PRKN: variants seen among roughly 807,000 people sequenced by gnomAD.
The protein encoded by PRKN is parkin RBR E3 ubiquitin protein ligase, also known as E3 ubiquitin-protein ligase parkin.
A neutral mutation model predicts 59.5 loss-of-function variants in PRKN; 56 were observed. The observed-to-expected ratio is 0.94, with a 90% CI of 0.76 to 1.18. PRKN has a LOEUF of 1.18. Ranked by LOEUF, PRKN falls within the 50% of genes most tolerant of loss-of-function variation. The pLI, the probability that PRKN is intolerant of heterozygous loss-of-function variation, is 0.00. For synonymous variants in PRKN, 250 were observed against 222.1 expected (o/e 1.13, Z -1.12); for missense variants, 657 against 596.4 (o/e 1.10, Z -1.06).
chr6:162,047,937 G>T lies in PRKN; in HGVS notation c.618+6154C>A, dbSNP rs1409276324. The stretch of plus-strand genomic sequence containing the variant: ...GAAAAATAGATTGCATGTTGAGTAA[G>T]ATGAAAACACTCTATTTATTATACT... On this transcript the variant is annotated intron_variant, in intron 5 of 11. Transcript: ENST00000366898. Among the ~76,000 whole-genome samples the T allele has an allele frequency of 2.0e-5, 3 of 152,166 alleles. No individual in the cohort carries two copies. The East Asian group carries it at 5.8e-4, about 29-fold the overall frequency.
chr6:161,858,850 C>T (rs1347978118), intron 6 of PRKN, among the ~76,000 whole-genome samples: 1 of 76,930 alleles, frequency 1.3e-5, no homozygotes, highest in Non-Finnish European at 2.9e-5. Flanking sequence ...TTAACTAGCA[C>T]AGCTGTACTT....
chr6:161,708,011 G>A (rs771891424), intron 7 of PRKN, among the ~76,000 whole-genome samples: 11 of 152,044 alleles, frequency 7.2e-5, no homozygotes, highest in Non-Finnish European at 1.6e-4. Flanking sequence ...TTCATTTTTG[G>A]AGTATGTTGC....
chr6:161,656,233 G>C (rs915189601), intron 7 of PRKN, among the ~76,000 whole-genome samples: 2 of 152,178 alleles, frequency 1.3e-5, no homozygotes, highest in African/African-American at 2.4e-5. Flanking sequence ...GAAAGTCAGC[G>C]CTCGGGCCCC....
At chr6:162,178,279 TA>T (rs1783630697) in intron 4 of PRKN, among the ~76,000 whole-genome samples, 1 of 152,240 alleles carries the variant, frequency 6.6e-6, no homozygotes, top group Admixed American at 6.5e-5. Flanking sequence ...GAAACAGTTC[TA>T]TTTCTGATAA....
intron 1 of PRKN, among the ~76,000 whole-genome samples, chr6:162,472,844 C>T (rs993636044): frequency 1.3e-4 from 19 of 147,750 alleles, no homozygotes; most frequent in African/African-American, 3.7e-4. Context: ...CAAATATTTC[C>T]GAAGCTGTTC....
At chr6:162,099,782 A>G (rs1484149738) in intron 4 of PRKN, among the ~76,000 whole-genome samples, 3 of 152,314 alleles carry the variant, frequency 2.0e-5, no homozygotes, top group Admixed American at 6.5e-5. Flanking sequence ...ACAACACCGA[A>G]TATCTAGTCA....
rs1787706786 is a variant in PRKN, at chr6:161,413,849, C to CA, written c.1084-26973dup. ...GGAAACTTCCTGAGAGGACAGGGAG[C>CA]ATTTACAGCATGAAGTCAGGCAGGG... On this transcript the variant is annotated intron_variant, in intron 9 of 11. Transcript: ENST00000366898. The surrounding 1 kb of genome is among the most constrained non-coding windows in gnomAD (Gnocchi z 4.4). Among the ~76,000 whole-genome samples the CA allele has an allele frequency of 6.6e-6, 1 of 152,166 alleles. No homozygotes were observed.
intron 4 of PRKN, among the ~76,000 whole-genome samples, chr6:162,131,196 G>A (rs1781338754): frequency 6.6e-6 from 1 of 152,088 alleles, no homozygotes; most frequent in Non-Finnish European, 1.5e-5. Flanking sequence ...TCAGATGCTA[G>A]GCATTATATA....
intron 2 of PRKN, among the ~76,000 whole-genome samples, chr6:162,408,863 C>T (rs1162514628): frequency 6.6e-6 from 1 of 152,044 alleles, no homozygotes; most frequent in Non-Finnish European, 1.5e-5. Flanking sequence ...CTTCATTCTT[C>T]GTAAATGATT....
At chr6:162,376,307 TACTC>T (rs1254137684) in intron 2 of PRKN, among the ~76,000 whole-genome samples, 1 of 152,140 alleles carries the variant, frequency 6.6e-6, no homozygotes, top group South Asian at 2.1e-4. Flanking sequence ...TTGAAAAAGA[TACTC>T]AGAAGAAGAA....
At chr6:162,220,511 G>A (rs1224396796) in intron 3 of PRKN, among the ~76,000 whole-genome samples, 1 of 152,158 alleles carries the variant, frequency 6.6e-6, no homozygotes, top group Non-Finnish European at 1.5e-5. Context: ...GGTAAGAAGT[G>A]AAGATTCAAG....
chr6:162,011,704 A>G (rs1164864175), intron 5 of PRKN, among the ~76,000 whole-genome samples: 2 of 150,374 alleles, frequency 1.3e-5, no homozygotes, highest in African/African-American at 4.9e-5. Context: ...GCTGTATTTC[A>G]GAGGGTCACT....
At chr6:161,512,470 G>A (rs756293593) in intron 9 of PRKN, among the ~76,000 whole-genome samples, 8 of 152,152 alleles carry the variant, frequency 5.3e-5, no homozygotes, top group Non-Finnish European at 8.8e-5. Flanking sequence ...CACAAGAAGG[G>A]ACACCTCGTT....
intron 6 of PRKN, among the ~76,000 whole-genome samples, chr6:161,868,321 G>A (rs1216127893): frequency 6.7e-6 from 1 of 149,552 alleles, no homozygotes; most frequent in Admixed American, 6.6e-5. Flanking sequence ...GCTCACACCT[G>A]TAATCCCAGC....
At chr6:161,960,461 C>T (rs997640909) in intron 6 of PRKN, among the ~76,000 whole-genome samples, 5 of 151,998 alleles carry the variant, frequency 3.3e-5, no homozygotes, top group South Asian at 2.1e-4. Context: ...ATAAATCACG[C>T]GATAAGAATT....
In PRKN at chr6:162,126,846, A is replaced by G. The variant is rs903371228; in HGVS notation, c.535-72672T>C. ...TTTGTTTGTTTGCTTTTCCCTAGGA[A>G]GTATGAGCATTCCCTTGTTTAATAT... On this transcript the variant is annotated intron_variant, in intron 4 of 11. Transcript: ENST00000366898. Among the ~76,000 whole-genome samples the G allele has an allele frequency of 1.3e-5, 2 of 152,190 alleles. 1 individual carries two copies. Among genetic ancestry groups the G allele is most frequent in the Non-Finnish European group, 2.9e-5 (2 of 68,030 alleles).
rs531395740 is a variant in PRKN at position 161,374,738 on chromosome 6, GGTGTGT to G, written c.1167+12050_1167+12055del. 6.2e-3 allele frequency among the ~76,000 whole-genome samples: 941 copies of G among 151,504 alleles called. 10 individuals carry two copies. The highest frequency in any genetic ancestry group is 0.021 in the African/African-American group (881 of 41,322). On this transcript the variant is annotated intron_variant, in intron 10 of 11. Transcript: ENST00000366898. The stretch of plus-strand genomic sequence containing the variant: ...TGTGTGGCATGTGTGACATATGTGT[GGTGTGT>G]GTGTGTGTGTGGTGTGTAGCTGTGA...
At chr6:162,024,740 A>G (rs2849571) in intron 5 of PRKN, among the ~76,000 whole-genome samples, 124,382 of 152,060 alleles carry the variant, frequency 0.82, 51,576 homozygotes, top group African/African-American at 0.96. Flanking sequence ...ACCTTGGTGC[A>G]GTCCCAAACA....
intron 2 of PRKN, among the ~76,000 whole-genome samples, chr6:162,319,851 T>G (rs1294114540): frequency 6.6e-6 from 1 of 151,990 alleles, no homozygotes; most frequent in South Asian, 2.1e-4. Context: ...ATTTTTCAAC[T>G]AATGTAAACA....
Sources: gnomAD v4.1 joint callset for allele counts (sites outside exome capture counted in the v4.1 genomes callset) on GRCh38, gnomAD v4.1.1 for gene constraint, Gnocchi (gnomAD v3.1) non-coding constraint, MANE v1.5 for transcripts, NCBI Gene and HGNC (gene_info 2026-07-23, HGNC 2026-07-21) for gene names.